The following HDAC9 variants were observed in gnomAD, a reference collection of about 807,000 sequenced individuals.
The protein encoded by HDAC9 is MEF-2 interacting transcription repressor (MITR) protein.
Under a neutral mutation model 139.4 loss-of-function variants are expected in HDAC9, and 41 were observed. The observed-to-expected ratio is 0.29, with a 90% CI of 0.23 to 0.38. The LOEUF is 0.38. Among genes scored for constraint, HDAC9 ranks in the 10% least tolerant of loss-of-function variants. The pLI is 1.00. For synonymous variants in HDAC9, 517 were observed against 476.2 expected (o/e 1.09, Z -1.12); for missense variants, 1,147 against 1,297.0 (o/e 0.88, Z 1.78).
chr7:18,369,355 G>A (rs1784421347), intron 1 of HDAC9, among the ~76,000 whole-genome samples: 1 of 152,020 alleles, frequency 6.6e-6, no homozygotes, highest in South Asian at 2.1e-4. Flanking sequence ...TTTCTATAGT[G>A]GTATTTAAAA....
intron 21 of HDAC9, among the ~76,000 whole-genome samples, chr7:18,873,300 T>C (rs1217343848): frequency 6.6e-6 from 1 of 152,186 alleles, no homozygotes; most frequent in Admixed American, 6.6e-5. Flanking sequence ...TTACCAGTTG[T>C]TGGAAGGACT....
chr7:18,969,658 A>G (rs547379966), intron 24 of HDAC9, among the ~76,000 whole-genome samples: 30 of 152,258 alleles, frequency 2.0e-4, no homozygotes, highest in Admixed American at 2.0e-4. Flanking sequence ...GATAAAAACC[A>G]TGCAAATTGA....
chr7:18,349,114 C>T (rs1782650395), intron 1 of HDAC9, among the ~76,000 whole-genome samples: 1 of 152,094 alleles, frequency 6.6e-6, no homozygotes, highest in African/African-American at 2.4e-5. Context: ...GGTTTTCTGT[C>T]ACTCAGAGTA....
intron 22 of HDAC9, among the ~76,000 whole-genome samples, chr7:18,887,604 TATC>T (rs1190080792): frequency 2.0e-4 from 30 of 152,312 alleles, no homozygotes; most frequent in Admixed American, 1.4e-3. Context: ...GTATAAATGA[TATC>T]ATCCCCACGA....
In HDAC9 at chr7:18,824,049, A is replaced by AGG. The variant is rs57106803; in HGVS notation, c.2323-5112_2323-5111insGG. Among the ~76,000 whole-genome samples, 112 of 140,798 alleles carry AGG rather than the reference A, an allele frequency of 8.0e-4. 1 individual carries two copies. The highest frequency in any genetic ancestry group is 1.2e-3 in the African/African-American group (41 of 35,152). The allele number at this position is 140,798 out of a possible 152,430, so 92.4% of individuals were successfully genotyped here. On this transcript the variant is annotated intron_variant, in intron 17 of 25. Transcript: ENST00000686413. ...GAGGAAGAGGAAGAGGAAGAGGAAG[A>AGG]AGAAGAAGAAGAAGAAGAAGAAGAA... is the stretch of plus-strand genomic sequence containing the variant.
intron 8 of HDAC9, among the ~76,000 whole-genome samples, chr7:18,636,998 A>G (rs1298858871): frequency 2.0e-5 from 3 of 152,204 alleles, no homozygotes; most frequent in South Asian, 2.1e-4. Context: ...ATTTTGTGCC[A>G]TTGAAAAATG....
intron 22 of HDAC9, among the ~76,000 whole-genome samples, chr7:18,893,050 A>G (rs540883652): frequency 0.013 from 1,967 of 148,904 alleles, 35 homozygotes; most frequent in African/African-American, 0.037. Context: ...AAAAAAAAAA[A>G]AAAAGAAAAG....
chr7:18,988,069 C>G (rs780409995), intron 25 of HDAC9, among the ~76,000 whole-genome samples: 7 of 152,116 alleles, frequency 4.6e-5, no homozygotes, highest in Admixed American at 2.0e-4. Context: ...CTATTCAGTT[C>G]TGCTCTGATT....
At chr7:18,461,072 T>C (rs557633836) in intron 1 of HDAC9, among the ~76,000 whole-genome samples, 9 of 152,208 alleles carry the variant, frequency 5.9e-5, no homozygotes, top group Non-Finnish European at 7.4e-5. Flanking sequence ...ATAACAAAGT[T>C]AGGCAAAAGA....
At chr7:18,882,688 C>G (rs562053020) in intron 22 of HDAC9, among the ~76,000 whole-genome samples, 15 of 150,532 alleles carry the variant, frequency 1.0e-4, no homozygotes, top group African/African-American at 2.9e-4. Context: ...AATAATTTTA[C>G]CTACAACCTA....
intron 13 of HDAC9, among the ~76,000 whole-genome samples, 151 bp downstream of exon 13, chr7:18,727,908 A>G (rs1173521585): frequency 6.6e-6 from 1 of 152,220 alleles, no homozygotes; most frequent in African/African-American, 2.4e-5. Flanking sequence ...TATTGGCTAT[A>G]AGACAAACAG....
intron 22 of HDAC9, among the ~76,000 whole-genome samples, chr7:18,917,575 G>C (rs1447816949): frequency 6.6e-6 from 1 of 152,006 alleles, no homozygotes; most frequent in Non-Finnish European, 1.5e-5. Context: ...ACATAGATGA[G>C]AGGAGGAGGA....
At chr7:18,795,998 A>G (rs567090325) in intron 17 of HDAC9, among the ~76,000 whole-genome samples, 9 of 152,340 alleles carry the variant, frequency 5.9e-5, no homozygotes, top group Admixed American at 5.9e-4. Flanking sequence ...GCATTTTGTT[A>G]TTCATTTTTC....
intron 12 of HDAC9, chr7:18,667,615 AC>A: frequency 1.0e-6 from 1 of 985,184 alleles, no homozygotes; most frequent in Non-Finnish European, 1.2e-6. Flanking sequence ...CTGTTCTCCT[AC>A]AGAAAAGTGA....
At chr7:18,523,903 C>T (rs1394308483) in intron 2 of HDAC9, among the ~76,000 whole-genome samples, 1 of 150,932 alleles carries the variant, frequency 6.6e-6, no homozygotes, top group Non-Finnish European at 1.5e-5. Context: ...CCCACCTCCC[C>T]CTCCCCGCTC....
At chr7:18,875,767 A>G (rs1205678324) in intron 22 of HDAC9, among the ~76,000 whole-genome samples, 2 of 152,196 alleles carry the variant, frequency 1.3e-5, no homozygotes, top group Non-Finnish European at 2.9e-5. Context: ...ATTATTATCC[A>G]TGGAACTCAA....
intron 1 of HDAC9, among the ~76,000 whole-genome samples, chr7:18,112,529 T>C (rs1783694250): frequency 6.6e-6 from 1 of 152,344 alleles, no homozygotes; most frequent in Middle Eastern, 3.4e-3. Context: ...TTGTTTCACT[T>C]TCTTCTTACT....
At chr7:18,792,732 A>G (rs1792434937) in intron 16 of HDAC9, among the ~76,000 whole-genome samples, 1 of 152,184 alleles carries the variant, frequency 6.6e-6, no homozygotes, top group South Asian at 2.1e-4. Context: ...TACTTTGAAC[A>G]TCACATTTCT....
At chr7:18,978,448 T>A (rs964725931) in intron 25 of HDAC9, among the ~76,000 whole-genome samples, 1 of 152,120 alleles carries the variant, frequency 6.6e-6, no homozygotes, top group Non-Finnish European at 1.5e-5. Context: ...TATAACTACA[T>A]TGATGGGCCT....
Sources: gnomAD v4.1 joint callset for allele counts (sites outside exome capture counted in the v4.1 genomes callset) on GRCh38, gnomAD v4.1.1 for gene constraint, MANE v1.5 for transcripts, NCBI Gene and HGNC (gene_info 2026-07-23, HGNC 2026-07-21) for gene names.